The following ZFP14 variants were observed in gnomAD, a reference collection of about 807,000 sequenced individuals.
The protein encoded by ZFP14 is zinc finger protein 14 homolog.
In ZFP14, 22 loss-of-function variants were observed where a neutral mutation model predicts 54.5. That is an observed-to-expected ratio of 0.40 (90% CI 0.29 to 0.58). ZFP14 has a LOEUF of 0.58. ZFP14 is among the 20% of genes least tolerant of loss of function. The pLI is 0.39. For synonymous variants in ZFP14, 159 were observed against 204.0 expected, an observed-to-expected ratio of 0.78 and a Z score of 1.88; for missense variants, 470 against 637.8, an observed-to-expected ratio of 0.74 and a Z score of 2.83.
At chr19:36,357,457 T>C (rs1048321125) in intron 4 of ZFP14, among the ~76,000 whole-genome samples, 3 of 152,260 alleles carry the variant, frequency 2.0e-5, no homozygotes, top group Admixed American at 2.0e-4. Context: ...TTTATGATTG[T>C]AGCTTTTATA....
chr19:36,370,327 C>A (rs573679095), intron 1 of ZFP14, among the ~76,000 whole-genome samples: 148 of 152,316 alleles, frequency 9.7e-4, no homozygotes, highest in African/African-American at 3.3e-3. Flanking sequence ...TAACACCAGG[C>A]CCGCCATAGT....
intron 1 of ZFP14, among the ~76,000 whole-genome samples, chr19:36,369,321 G>A (rs2031844913): frequency 6.6e-6 from 1 of 152,138 alleles, no homozygotes; most frequent in Non-Finnish European, 1.5e-5. Flanking sequence ...TAATGCCCAG[G>A]GGTCAAATCA....
chr19:36,373,911 C>CA (rs74174406), intron 1 of ZFP14, among the ~76,000 whole-genome samples: 64,540 of 92,990 alleles, frequency 0.69, 20,473 homozygotes, highest in Admixed American at 0.72. Context: ...GACCCCATCT[C>CA]AAAAAAAAAA....
At chr19:36,362,318 C>A in intron 2 of ZFP14, 80 bp from the exon 3 acceptor site, 1 of 1,469,182 alleles carries the variant, frequency 6.8e-7, no homozygotes, top group Admixed American at 2.3e-5. Context: ...TTGAGGATTG[C>A]ATTGCAGAGA....
At chr19:36,363,895 C>CA (rs2031751670) in intron 2 of ZFP14, among the ~76,000 whole-genome samples, 1 of 151,778 alleles carries the variant, frequency 6.6e-6, no homozygotes, top group East Asian at 1.9e-4. Flanking sequence ...GAGGCTGACG[C>CA]AGTAGAATCA....
At chr19:36,363,189 CTTTT>C (rs772799449) in intron 2 of ZFP14, among the ~76,000 whole-genome samples, 1 of 97,752 alleles carries the variant, frequency 1.0e-5, no homozygotes, top group African/African-American at 3.9e-5. Flanking sequence ...CTTTTCTTTT[CTTTT>C]TTTTTTTTTT....
At position 36,339,166 on chromosome 19, in the gene ZFP14, T is replaced by A. The variant is rs968404345; in HGVS notation, c.*1058A>T. ...ATTATGTTTAATAATTTCTGAGAGG[T>A]GACAGGAGGCATTTCTACATTTATT... On this transcript the variant is annotated 3_prime_UTR_variant, in exon 5 of 5. Transcript: ENST00000270001. The A allele has an allele frequency of 6.6e-6, 1 of 152,198 alleles. No individual in the cohort carries two copies. Among genetic ancestry groups the A allele is most frequent in the Non-Finnish European group, 1.5e-5 (1 of 68,034 alleles). 9.4% of individuals were successfully genotyped at this position (152,198 alleles called of 1,614,324 possible).
chr19:36,373,616 T>C (rs1568475391), intron 1 of ZFP14, among the ~76,000 whole-genome samples: 2 of 152,168 alleles, frequency 1.3e-5, no homozygotes. Context: ...CCACAATGTA[T>C]ATATACTTTA....
chr19:36,361,039 C>T (rs2031701427), intron 3 of ZFP14, among the ~76,000 whole-genome samples: 1 of 152,154 alleles, frequency 6.6e-6, no homozygotes, highest in Non-Finnish European at 1.5e-5. Flanking sequence ...TGTTTATTAA[C>T]ATATACACAT....
At position 36,352,136 on chromosome 19, in the gene ZFP14, A is replaced by T. The variant is rs1176311517; in HGVS notation, c.235+8299T>A. Among the ~76,000 whole-genome samples the T allele has an allele frequency of 1.4e-5, 2 of 141,702 alleles. 1 individual carries two copies. Among genetic ancestry groups the T allele is most frequent in the Non-Finnish European group, 3.1e-5 (2 of 64,084 alleles). 93.0% of individuals were successfully genotyped at this position (141,702 alleles called of 152,430 possible). A position where few individuals can be genotyped will look rare whatever the true frequency, so the allele number is the denominator to read the frequency against. On this transcript the variant is annotated intron_variant, in intron 4 of 4. Coordinates refer to ENST00000270001, the MANE Select transcript of ZFP14 (RefSeq NM_020917.3). The stretch of plus-strand genomic sequence containing the variant: ...GAGGCAGAGCTTGCAGCGAGCCGAG[A>T]TCGTGCCACTGCACTCCATTCTGGG...
chr19:36,345,006 T>C (rs1358220198), intron 4 of ZFP14, among the ~76,000 whole-genome samples: 1 of 152,218 alleles, frequency 6.6e-6, no homozygotes, highest in Non-Finnish European at 1.5e-5. Context: ...TTCACACCTA[T>C]AATCCCAGCA....
In ZFP14 at chr19:36,368,424, C is replaced by T. The variant is rs74814268; in HGVS notation, c.-79-453G>A. ...CGGAGGTTGCGGTGAGCTGAGATTGCGCCATTACACTCCAGCCTGGGCAAC... is the reference window on the plus strand; with the variant it reads ...CGGAGGTTGCGGTGAGCTGAGATTGTGCCATTACACTCCAGCCTGGGCAAC... On this transcript the variant is annotated intron_variant, in intron 1 of 4. Coordinates refer to ENST00000270001, the MANE Select transcript of ZFP14 (RefSeq NM_020917.3). Among the ~76,000 whole-genome samples, 82 of 152,180 alleles carry T rather than the reference C, an allele frequency of 5.4e-4. 1 individual carries two copies. The East Asian group carries it at 0.013, about 24-fold the overall frequency.
In ZFP14 at chr19:36,358,092, C is replaced by CATCT. The variant is rs148097125; in HGVS notation, c.235+2339_235+2342dup. Among the ~76,000 whole-genome samples, 123 of 127,922 alleles carry CATCT rather than the reference C, an allele frequency of 9.6e-4. 1 individual carries two copies. The highest frequency in any genetic ancestry group is 7.9e-3 in the Middle Eastern group (2 of 252). 83.9% of individuals were successfully genotyped at this position (127,922 alleles called of 152,430 possible). ...TCTATCTATCTATCTATCTATCTATCATCTATCTATCTATCTATCTATCTA... is the reference window on the plus strand; with the variant it reads ...TCTATCTATCTATCTATCTATCTATCATCTATCTATCTATCTATCTATCTATCTA... On this transcript the variant is annotated intron_variant, in intron 4 of 4. Coordinates refer to ENST00000270001, the MANE Select transcript of ZFP14 (RefSeq NM_020917.3).
chr19:36,368,851 T>C (rs1180501747), intron 1 of ZFP14, among the ~76,000 whole-genome samples: 1 of 152,056 alleles, frequency 6.6e-6, no homozygotes, highest in Non-Finnish European at 1.5e-5. Flanking sequence ...TTTTATTGAT[T>C]AATTTTTTTT....
At chr19:36,357,196 A>G (rs1359863974) in intron 4 of ZFP14, among the ~76,000 whole-genome samples, 1 of 152,074 alleles carries the variant, frequency 6.6e-6, no homozygotes, top group Non-Finnish European at 1.5e-5. Context: ...GCGCATGCCA[A>G]GACGCCCAGC....
chr19:36,367,550 G>A (rs1040976709), intron 2 of ZFP14, among the ~76,000 whole-genome samples: 1 of 151,952 alleles, frequency 6.6e-6, no homozygotes, highest in Non-Finnish European at 1.5e-5. Flanking sequence ...ACGCAATCTC[G>A]GCTCACTGCA....
At chr19:36,362,871 G>T (rs1193466427) in intron 2 of ZFP14, 5 of 271,980 alleles carry the variant, frequency 1.8e-5, no homozygotes, top group Admixed American at 5.0e-5. Context: ...ACAAACTCGG[G>T]TTTTATTATA....
At chr19:36,378,308 A>T (rs1287483425) in intron 1 of ZFP14, 2 of 152,266 alleles carry the variant, frequency 1.3e-5, no homozygotes, top group Non-Finnish European at 2.9e-5. Flanking sequence ...AGTCTAGAAC[A>T]TCACTGGTAA....
intron 2 of ZFP14, among the ~76,000 whole-genome samples, chr19:36,363,798 T>C (rs1349261718): frequency 6.6e-6 from 1 of 151,870 alleles, no homozygotes; most frequent in Non-Finnish European, 1.5e-5. Flanking sequence ...GAGACCAACC[T>C]TGTCAACATG....
Sources: gnomAD v4.1 joint callset for allele counts (sites outside exome capture counted in the v4.1 genomes callset) on GRCh38, gnomAD v4.1.1 for gene constraint, MANE v1.5 for transcripts, NCBI Gene and HGNC (gene_info 2026-07-23, HGNC 2026-07-21) for gene names.